The following ALCAM variants were observed in gnomAD, a reference collection of about 807,000 sequenced individuals.
ALCAM encodes the protein activated leukocyte cell adhesion molecule.
A neutral mutation model predicts 70.9 loss-of-function variants in ALCAM; 30 were observed. That is an observed-to-expected ratio of 0.42 (90% confidence interval 0.32 to 0.57). ALCAM has a LOEUF of 0.57. Among genes scored for constraint, ALCAM ranks in the 20% least tolerant of loss-of-function variants. The pLI is 0.11. For missense variants in ALCAM, 591 were observed against 695.1 expected (o/e 0.85, Z 1.68); for synonymous variants, 249 against 242.5 (o/e 1.03, Z -0.25).
In ALCAM at chr3:105,367,746, G is replaced by A. The variant is rs113526321; in HGVS notation, c.73+265G>A. 2.6e-3 allele frequency among the ~76,000 whole-genome samples: 397 copies of A among 152,298 alleles called. 1 individual carries two copies. The highest frequency in any genetic ancestry group is 8.0e-3 in the African/African-American group (334 of 41,568). On this transcript the variant is annotated intron_variant, in intron 1 of 15. Transcript: ENST00000306107. ...TGGTGCTCCGGGGTGGGCAGGATTC[G>A]CCTGACGCTCTCCCCTTGTCCCTGC...
At chr3:105,391,042 T>A (rs1206665069) in intron 1 of ALCAM, among the ~76,000 whole-genome samples, 1 of 152,116 alleles carries the variant, frequency 6.6e-6, no homozygotes, top group Non-Finnish European at 1.5e-5. Flanking sequence ...GCCTCCAGCT[T>A]TGTTCTTTTT....
At chr3:105,569,886 G>C (rs1319237321) in intron 14 of ALCAM, among the ~76,000 whole-genome samples, 1 of 152,240 alleles carries the variant, frequency 6.6e-6, no homozygotes, top group Middle Eastern at 3.4e-3. Context: ...ATACTTTCTA[G>C]GATGTCAATT....
At chr3:105,400,622 T>C (rs1199993476) in intron 1 of ALCAM, among the ~76,000 whole-genome samples, 1 of 152,128 alleles carries the variant, frequency 6.6e-6, no homozygotes, top group Non-Finnish European at 1.5e-5. Context: ...CCTCAGGACA[T>C]ACGTAAAGAG....
intron 1 of ALCAM, among the ~76,000 whole-genome samples, chr3:105,461,459 G>T (rs1937604342): frequency 6.6e-6 from 1 of 151,784 alleles, no homozygotes; most frequent in Non-Finnish European, 1.5e-5. Context: ...TTGAAGAGTG[G>T]TCTAAGCCAT....
rs1234453685 is a variant in ALCAM, at chr3:105,490,286, T to G, written c.74-29781T>G. 2.6e-5 allele frequency among the ~76,000 whole-genome samples: 4 copies of G among 152,238 alleles called. No individual in the cohort carries two copies. In the East Asian group the frequency reaches 7.7e-4, roughly 29 times the overall value. On this transcript the variant is annotated intron_variant, in intron 1 of 15. Coordinates refer to ENST00000306107, the MANE Select transcript of ALCAM (RefSeq NM_001627.4). ...CTTTCACAAGCATTCAGTTGATGCC[T>G]TGTACTAGAAGAGTGACGTCAAGTG...
At chr3:105,525,214 A>G in intron 3 of ALCAM, 1 of 985,296 alleles carries the variant, frequency 1.0e-6, no homozygotes. Flanking sequence ...GGGAGAAAGT[A>G]GAGTAGTGAT....
intron 11 of ALCAM, 88 bp from the exon 12 acceptor site, chr3:105,550,039 G>A (rs1576236627): frequency 9.4e-6 from 12 of 1,275,784 alleles, no homozygotes; most frequent in South Asian, 6.1e-5. Context: ...AGAGCACCAC[G>A]CCTATCCTAT....
At chr3:105,546,890 G>C (rs1185086878) in intron 9 of ALCAM, among the ~76,000 whole-genome samples, 1 of 151,084 alleles carries the variant, frequency 6.6e-6, no homozygotes, top group Non-Finnish European at 1.5e-5. Flanking sequence ...CATTTCCTTT[G>C]TTCATAGAAA....
At chr3:105,561,243 A>G (rs1940624239) in intron 14 of ALCAM, among the ~76,000 whole-genome samples, 2 of 152,202 alleles carry the variant, frequency 1.3e-5, no homozygotes, top group Non-Finnish European at 2.9e-5. Context: ...GTATACTGAC[A>G]TCTTACTAAA....
chr3:105,443,349 C>T (rs569050150), intron 1 of ALCAM, among the ~76,000 whole-genome samples: 57 of 152,266 alleles, frequency 3.7e-4, no homozygotes, highest in African/African-American at 1.4e-3. Context: ...CCTCCCTGTT[C>T]TATTCATTTC....
chr3:105,563,106 A>C (rs1350634474), intron 14 of ALCAM, among the ~76,000 whole-genome samples: 4 of 152,146 alleles, frequency 2.6e-5, no homozygotes, highest in Admixed American at 1.3e-4. Flanking sequence ...GCACCCAGCC[A>C]AATTTCAATT....
intron 1 of ALCAM, among the ~76,000 whole-genome samples, chr3:105,486,410 G>C (rs907991613): frequency 6.6e-6 from 1 of 151,982 alleles, no homozygotes; most frequent in Non-Finnish European, 1.5e-5. Flanking sequence ...AGTTTATAAG[G>C]CTTGATATAT....
chr3:105,552,319 T>A, intron 13 of ALCAM, 137 bp downstream of exon 13: 2 of 1,296,620 alleles, frequency 1.5e-6, no homozygotes, highest in Non-Finnish European at 2.2e-6. Flanking sequence ...GTAAGAATGC[T>A]AAAATTTTAC....
Position 105,547,151 on chromosome 3 carries a change from T to C in ALCAM, c.1107T>C (p.Asp369=), listed in dbSNP as rs145990583. 1.3e-6 allele frequency: 2 copies of C among 1,580,966 alleles called. No homozygotes were observed. Among genetic ancestry groups the C allele is most frequent in the Non-Finnish European group, 1.7e-6 (2 of 1,167,248 alleles). ...TAATTTACTTTTTATTTAATCAGGATAACATCAGGCTTCGATCTAGCCCGT... is the reference window on the plus strand; with the variant it reads ...TAATTTACTTTTTATTTAATCAGGACAACATCAGGCTTCGATCTAGCCCGT... ...SRNATVVWMK[D]NIRLRSSPSF... is the part of the protein sequence containing the mutation. Residue 369 remains aspartate, a splice_region_variant and synonymous_variant, in exon 10 of 16, where the codon GAT becomes GAC. Coordinates refer to ENST00000306107, the MANE Select transcript of ALCAM (RefSeq NM_001627.4).
chr3:105,543,572 C>T (rs142334030), intron 8 of ALCAM, among the ~76,000 whole-genome samples: 100 of 151,784 alleles, frequency 6.6e-4, no homozygotes, highest in African/African-American at 2.3e-3. Flanking sequence ...AGAGAAGCGC[C>T]AACCCATTCT....
chr3:105,432,031 A>C (rs1051213667), intron 1 of ALCAM, among the ~76,000 whole-genome samples: 3 of 152,270 alleles, frequency 2.0e-5, no homozygotes, highest in Non-Finnish European at 4.4e-5. Context: ...CGAAAGAATA[A>C]GCTAAGCCTA....
intron 1 of ALCAM, among the ~76,000 whole-genome samples, chr3:105,477,594 T>G (rs1398866422): frequency 6.6e-6 from 1 of 152,084 alleles, no homozygotes; most frequent in Non-Finnish European, 1.5e-5. Context: ...CTTAAACTGC[T>G]TGGGATTTAC....
chr3:105,414,217 C>T (rs1936454990), intron 1 of ALCAM, among the ~76,000 whole-genome samples: 2 of 148,496 alleles, frequency 1.3e-5, no homozygotes, highest in African/African-American at 2.5e-5. Flanking sequence ...TGGGCAAAAC[C>T]GATGGAATGA....
chr3:105,552,359 T>C (rs934006084), intron 13 of ALCAM, 109 bp from the exon 14 acceptor site: 2 of 1,313,414 alleles, frequency 1.5e-6, no homozygotes, highest in South Asian at 2.6e-5. Context: ...TGCATGTTAA[T>C]TACTGTAGTG....
Sources: allele counts gnomAD v4.1 joint callset (sites outside exome capture counted in the v4.1 genomes callset), GRCh38; gene constraint gnomAD v4.1.1; transcripts MANE v1.5; gene names NCBI Gene and HGNC (gene_info 2026-07-23, HGNC 2026-07-21).